Variants in CELF2 observed in about 807,000 individuals in gnomAD.
CELF2 encodes CUG triplet repeat RNA-binding protein 2.
CELF2 carries 8 observed loss-of-function variants against 62.6 expected under a neutral mutation model. That is an observed-to-expected ratio of 0.13 (90% CI 0.07 to 0.23). The LOEUF is 0.23. Ranked by LOEUF, CELF2 falls within the 10% of genes least tolerant of loss-of-function variation. The probability of loss-of-function intolerance (pLI) is 1.00; values close to 1 mark genes in which losing one functional copy is unlikely to be tolerated. For synonymous variants in CELF2, 258 were observed against 250.0 expected (o/e 1.03, Z -0.30); for missense variants, 333 against 671.0 (o/e 0.50, Z 5.56).
At chr10:11,240,581 C>CTACA (rs1347828863) in intron 3 of CELF2, among the ~76,000 whole-genome samples, 4 of 151,872 alleles carry the variant, frequency 2.6e-5, no homozygotes, top group African/African-American at 9.7e-5. Context: ...TTAGCCGGGG[C>CTACA]TACACTTCCC....
chr10:11,183,338 C>G (rs1399892668), intron 2 of CELF2, among the ~76,000 whole-genome samples: 1 of 152,210 alleles, frequency 6.6e-6, no homozygotes, highest in East Asian at 1.9e-4. Context: ...AGCTCATCAC[C>G]TCTCCTCTTG....
chr10:11,146,746 A>G (rs1423036798), intron 1 of CELF2, among the ~76,000 whole-genome samples: 1 of 152,228 alleles, frequency 6.6e-6, no homozygotes, highest in African/African-American at 2.4e-5. Flanking sequence ...GGCCAGAGGC[A>G]CCTTGACTCT....
chr10:10,667,828 G>A, the CELF2 span, among the ~76,000 whole-genome samples: 1 of 152,166 alleles, frequency 6.6e-6, no homozygotes, highest in African/African-American at 2.4e-5. Context: ...TTCCAGCCAG[G>A]ATTATCCTGA....
At chr10:10,632,780 A>G in the CELF2 span, among the ~76,000 whole-genome samples, 3 of 152,234 alleles carry the variant, frequency 2.0e-5, no homozygotes, top group Non-Finnish European at 4.4e-5. Context: ...CTCTGAACCT[A>G]GTATTCCAAT....
chr10:11,060,428 TAGGGTATGTG>T (rs112142467), intron 1 of CELF2, among the ~76,000 whole-genome samples: 7 of 152,304 alleles, frequency 4.6e-5, no homozygotes, highest in African/African-American at 1.7e-4. Flanking sequence ...AAAGTGTAAT[TAGGGTATGTG>T]AAATATTTTA....
At chr10:10,862,253 G>A (rs1262460475) in intron 1 of CELF2, among the ~76,000 whole-genome samples, 3 of 152,154 alleles carry the variant, frequency 2.0e-5, no homozygotes, top group Non-Finnish European at 2.9e-5. Context: ...CACTTTTGTA[G>A]GTCAGGCATT....
intron 9 of CELF2, among the ~76,000 whole-genome samples, chr10:11,307,964 A>G (rs1271086601): frequency 6.6e-6 from 1 of 152,218 alleles, no homozygotes; most frequent in East Asian, 1.9e-4. Flanking sequence ...GTGCTGTAAG[A>G]TGACGTTCTG....
At chr10:10,760,939 GA>G in the CELF2 span, among the ~76,000 whole-genome samples, 1 of 152,180 alleles carries the variant, frequency 6.6e-6, no homozygotes, top group African/African-American at 2.4e-5. Context: ...TTTATCTTAA[GA>G]GCAATGGGAA....
At chr10:10,642,785 G>C in the CELF2 span, among the ~76,000 whole-genome samples, 1 of 152,224 alleles carries the variant, frequency 6.6e-6, no homozygotes, top group Non-Finnish European at 1.5e-5. Context: ...TTTCCCAATG[G>C]ATCTGTGGAC....
chr10:10,759,257 G>GAA, the CELF2 span, among the ~76,000 whole-genome samples: 1 of 147,788 alleles, frequency 6.8e-6, no homozygotes, highest in East Asian at 2.1e-4. Flanking sequence ...GCATCTCTGA[G>GAA]TATTGGCTGG....
chr10:11,184,482 A>G (rs990680960), intron 2 of CELF2, among the ~76,000 whole-genome samples: 5 of 152,212 alleles, frequency 3.3e-5, no homozygotes, highest in African/African-American at 7.2e-5. Context: ...CTGTTCATCA[A>G]TTGGGAGAAA....
the CELF2 span, among the ~76,000 whole-genome samples, chr10:10,535,675 C>T: frequency 9.9e-5 from 15 of 152,158 alleles, no homozygotes; most frequent in East Asian, 1.6e-3. Flanking sequence ...GCCGAGATAG[C>T]GCCACTGCAC....
chr10:11,197,041 G>GA (rs373708162), intron 2 of CELF2, among the ~76,000 whole-genome samples: 2 of 17,448 alleles, frequency 1.1e-4, no homozygotes, highest in African/African-American at 3.6e-4. Context: ...AAGAAAGAAA[G>GA]AAAGAAAGAA....
chr10:10,679,567 G>A, the CELF2 span, among the ~76,000 whole-genome samples: 1 of 152,196 alleles, frequency 6.6e-6, no homozygotes, highest in Non-Finnish European at 1.5e-5. Context: ...TGGGATTACA[G>A]GTGTAAGCCA....
chr10:10,693,543 A>T, the CELF2 span, among the ~76,000 whole-genome samples: 8 of 150,772 alleles, frequency 5.3e-5, no homozygotes, highest in Non-Finnish European at 7.4e-5. Flanking sequence ...GTTAGGGAGG[A>T]TTCCCTCTTT....
intron 1 of CELF2, among the ~76,000 whole-genome samples, chr10:11,131,254 C>G (rs970263500): frequency 6.6e-6 from 1 of 152,094 alleles, no homozygotes; most frequent in Non-Finnish European, 1.5e-5. Flanking sequence ...TACAGGAAAC[C>G]AGCTGTCATG....
At chr10:10,563,661 C>A in the CELF2 span, among the ~76,000 whole-genome samples, 31 of 148,620 alleles carry the variant, frequency 2.1e-4, no homozygotes, top group South Asian at 6.5e-3. Context: ...TAAGAAATTG[C>A]TGATGGCGGG....
Position 11,012,295 on chromosome 10 carries a change from G to A in CELF2, c.53+6855G>A, listed in dbSNP as rs2056592850. Among the ~76,000 whole-genome samples, 1 of 152,148 alleles carries A rather than the reference G, an allele frequency of 6.6e-6. No homozygotes were observed. The highest frequency in any genetic ancestry group is 2.4e-5 in the African/African-American group (1 of 41,438). On this transcript the variant is annotated intron_variant, in intron 1 of 12. Transcript: ENST00000416382. The surrounding 1 kb of genome is among the most constrained non-coding windows in gnomAD (Gnocchi z 5.5). ...CTAGTGACCACGAGCTCTTTGGGAGGGATCAGTTACCATAGTGAGTCAAGT... is the reference window on the plus strand; with the variant it reads ...CTAGTGACCACGAGCTCTTTGGGAGAGATCAGTTACCATAGTGAGTCAAGT...
At chr10:10,628,215 T>C in the CELF2 span, among the ~76,000 whole-genome samples, 1 of 152,296 alleles carries the variant, frequency 6.6e-6, no homozygotes, top group South Asian at 2.1e-4. Context: ...AGATGCTTAA[T>C]TCTTATCTAA....
Sources: gnomAD v4.1 joint callset for allele counts (sites outside exome capture counted in the v4.1 genomes callset) on GRCh38, gnomAD v4.1.1 for gene constraint, Gnocchi (gnomAD v3.1) non-coding constraint, MANE v1.5 for transcripts, NCBI Gene and HGNC (gene_info 2026-07-23, HGNC 2026-07-21) for gene names.